The following PRAC2 variants were observed in gnomAD, a reference collection of about 807,000 sequenced individuals.
PRAC2 encodes protein PRAC2.
For missense variants in PRAC2, 92 were observed against 114.5 expected, an observed-to-expected ratio of 0.80 and a Z score of 0.90; for synonymous variants, 43 against 49.5, an observed-to-expected ratio of 0.87 and a Z score of 0.55.
chr17:48,719,670 A>G (rs1348037685), upstream of PRAC2, among the ~76,000 whole-genome samples: 1 of 152,258 alleles, frequency 6.6e-6, no homozygotes, highest in Non-Finnish European at 1.5e-5. Context: ...ACTGCCTAGA[A>G]TAAGGTAAAC....
At chr17:48,722,361 G>T (rs778844899), upstream of PRAC2, 2 of 1,614,208 alleles carry the variant, frequency 1.2e-6, no homozygotes, top group Admixed American at 1.7e-5. Context: ...AAGATGGGCC[G>T]GTCCTTGATC....
chr17:48,719,483 C>A (rs1033806406), upstream of PRAC2, among the ~76,000 whole-genome samples: 16 of 152,296 alleles, frequency 1.1e-4, no homozygotes, highest in Admixed American at 2.0e-4. Context: ...GATCGGATAG[C>A]GCGGCGGGCG....
chr17:48,719,245 G>T (rs200333707), upstream of PRAC2, among the ~76,000 whole-genome samples: 1 of 130,146 alleles, frequency 7.7e-6, no homozygotes, highest in African/African-American at 3.1e-5. Flanking sequence ...ACACACACAC[G>T]CACACGCAGC....
At chr17:48,722,034 C>G, upstream of PRAC2, 1 of 1,030,610 alleles carries the variant, frequency 9.7e-7, no homozygotes, top group Non-Finnish European at 1.4e-6. Flanking sequence ...GGTGCTAGTT[C>G]CCACTCCCAA....
intron 1 of PRAC2, chr17:48,723,599 T>C: frequency 1.3e-6 from 1 of 773,846 alleles, no homozygotes. Context: ...CGGGAACTAC[T>C]ATTTGGAGTA....
chr17:48,724,367 G>A lies in PRAC2; in HGVS notation c.-44G>A, dbSNP rs1453728055. On this transcript the variant is annotated 5_prime_UTR_variant, in exon 2 of 2. Transcript: ENST00000422730. ...AATCCGAAAAAAAGTGTGTGTGGGG[G>A]GGTCCACACCACTAATTATTATGGC... The A allele has an allele frequency of 9.7e-6, 12 of 1,234,132 alleles. No homozygotes were observed. The highest frequency in any genetic ancestry group is 4.2e-5 in the Admixed American group (1 of 23,712). The allele number at this position is 1,234,132 out of a possible 1,614,324, so 76.4% of individuals were successfully genotyped here. A position where few individuals can be genotyped will look rare whatever the true frequency, so the allele number is the denominator to read the frequency against.
upstream of PRAC2, among the ~76,000 whole-genome samples, chr17:48,721,370 G>C (rs531716576): frequency 9.9e-5 from 15 of 152,268 alleles, no homozygotes; most frequent in African/African-American, 3.6e-4. Context: ...CTGTCACATA[G>C]GCTGGAGTGC....
At chr17:48,722,113 A>G (rs78731865), upstream of PRAC2, among the ~76,000 whole-genome samples, 10,627 of 152,058 alleles carry the variant, frequency 0.07, 509 homozygotes, top group Non-Finnish European at 0.1. Context: ...CTTTCTGCCC[A>G]GGGCGGCTGC....
chr17:48,724,573 C>A lies in PRAC2; in HGVS notation c.163C>A (p.Arg55=), dbSNP rs1266492958. Residue 55 remains arginine, a synonymous_variant, in exon 2 of 2, where the codon CGG becomes AGG. Coordinates refer to ENST00000422730, the MANE Select transcript of PRAC2 (RefSeq NM_001282275.2). ...PMPWPNGRRH[R]VLDPHTQLST... ...GCCCTGGCCGAATGGCAGGCGACAT[C>A]GGGTCCTGGACCCCCACACGCAGCT... 8.1e-7 allele frequency: 1 copy of A among 1,232,020 alleles called. No individual in the cohort carries two copies. The highest frequency in any genetic ancestry group is 1.0e-6 in the Non-Finnish European group (1 of 987,956). The allele number at this position is 1,232,020 out of a possible 1,614,324, so 76.3% of individuals were successfully genotyped here. A position where few individuals can be genotyped will look rare whatever the true frequency, so the allele number is the denominator to read the frequency against.
upstream of PRAC2, chr17:48,721,627 T>C (rs2038145469): frequency 3.5e-6 from 2 of 565,758 alleles, no homozygotes; most frequent in Non-Finnish European, 5.5e-6. Context: ...GCCTGGCCCG[T>C]TTTTATTTTT....
At chr17:48,719,861 C>G (rs1047961732), upstream of PRAC2, among the ~76,000 whole-genome samples, 18 of 152,130 alleles carry the variant, frequency 1.2e-4, no homozygotes, top group Non-Finnish European at 2.9e-5. Context: ...CCCGGTTTCT[C>G]GCGTTTCGGG....
chr17:48,722,287 G>A, upstream of PRAC2: 1 of 1,580,836 alleles, frequency 6.3e-7, no homozygotes, highest in Non-Finnish European at 8.7e-7. Context: ...GCGATCCGTC[G>A]ATAACGCCCT....
At chr17:48,718,863 G>T (rs1165907508), upstream of PRAC2, among the ~76,000 whole-genome samples, 1 of 152,166 alleles carries the variant, frequency 6.6e-6, no homozygotes, top group Non-Finnish European at 1.5e-5. Context: ...AGCATTATCT[G>T]GCTAACTCCC....
chr17:48,720,937 G>A (rs148250099), upstream of PRAC2, among the ~76,000 whole-genome samples: 1,188 of 152,208 alleles, frequency 7.8e-3, 15 homozygotes, highest in African/African-American at 0.027. Context: ...GAGGTTAAGC[G>A]CTCCTGTTTT....
chr17:48,721,594 G>T, upstream of PRAC2: 1 of 401,642 alleles, frequency 2.5e-6, no homozygotes, highest in Non-Finnish European at 4.3e-6. Flanking sequence ...CAAAGTGCTG[G>T]GATTACAGCC....
chr17:48,724,384 T>C lies in PRAC2; in HGVS notation c.-27T>C. On this transcript the variant is annotated 5_prime_UTR_variant, in exon 2 of 2. Transcript: ENST00000422730. ...GTGTGGGGGGGTCCACACCACTAAT[T>C]ATTATGGCGAGGAAGATAAAGAAGA... The C allele has an allele frequency of 1.6e-6, 2 of 1,234,298 alleles. No individual in the cohort carries two copies. The allele number at this position is 1,234,298 out of a possible 1,614,324, so 76.5% of individuals were successfully genotyped here. A position where few individuals can be genotyped will look rare whatever the true frequency, so the allele number is the denominator to read the frequency against.
At chr17:48,723,116 G>T (rs755384368), upstream of PRAC2, 2 of 152,402 alleles carry the variant, frequency 1.3e-5, no homozygotes, top group Non-Finnish European at 2.9e-5. Flanking sequence ...TCTGTCTCAG[G>T]CCCAGGCCAG....
upstream of PRAC2, among the ~76,000 whole-genome samples, chr17:48,719,907 C>T (rs1270002893): frequency 6.6e-6 from 1 of 152,216 alleles, no homozygotes; most frequent in Non-Finnish European, 1.5e-5. Context: ...CCCCTCCACC[C>T]CTCCGCGTCT....
chr17:48,723,084 G>C (rs1286389786), upstream of PRAC2: 1 of 152,338 alleles, frequency 6.6e-6, no homozygotes, highest in Non-Finnish European at 1.5e-5. Context: ...GCTGGCATCG[G>C]TTCCTCATTG....
Sources: allele counts gnomAD v4.1 joint callset (sites outside exome capture counted in the v4.1 genomes callset), GRCh38; gene constraint gnomAD v4.1.1; transcripts MANE v1.5; gene names NCBI Gene and HGNC (gene_info 2026-07-23, HGNC 2026-07-21).